The following CDHR2 variants were observed in gnomAD, a reference collection of about 807,000 sequenced individuals.
CDHR2 encodes cadherin-related family member 2.
A neutral mutation model predicts 138.6 loss-of-function variants in CDHR2; 104 were observed. The observed-to-expected ratio is 0.75, with a 90% CI of 0.64 to 0.88. The LOEUF is 0.88. Ranked by LOEUF, CDHR2 falls within the 40% of genes least tolerant of loss-of-function variation. The pLI is 0.00. For synonymous variants in CDHR2, 755 were observed against 742.8 expected (o/e 1.02, Z -0.27); for missense variants, 1,624 against 1,727.6 (o/e 0.94, Z 1.06).
intron 1 of CDHR2, among the ~76,000 whole-genome samples, chr5:176,554,929 C>T (rs1411051972): frequency 6.6e-6 from 1 of 152,244 alleles, no homozygotes; most frequent in Non-Finnish European, 1.5e-5. Flanking sequence ...GCTGGGATTA[C>T]AGGTGTGAGC....
At chr5:176,567,270 T>C (rs1353235381) in intron 3 of CDHR2, among the ~76,000 whole-genome samples, 1 of 150,770 alleles carries the variant, frequency 6.6e-6, no homozygotes, top group Non-Finnish European at 1.5e-5. Flanking sequence ...TGGGCTCAAC[T>C]GATCCTCCCA....
chr5:176,577,790 A>G lies in CDHR2; in HGVS notation c.1504A>G (p.Ser502Gly). 1 of 1,614,068 alleles carries G rather than the reference A, an allele frequency of 6.2e-7. No homozygotes were observed. Residue 502 changes from serine to glycine, a missense_variant, in exon 14 of 32, where the codon AGC (serine) becomes GGC (glycine). Ser to Gly is a moderately conservative substitution (Grantham distance 56, BLOSUM62 0). This residue lies in a region of CDHR2 where 1,061 missense variants were observed against 1,136.6 expected (regional missense o/e 0.93). Transcript: ENST00000261944. ...HSATGSVVTD[S>G]IHATDPDTGA... The stretch of plus-strand genomic sequence containing the variant: ...CGCCACCGGCTCTGTGGTCACCGAC[A>G]GCATCCACGTGAGTGATGTGGACAC...
Position 176,576,191 on chromosome 5 carries a change from CGTGGTGGCGTGG to C in CDHR2, c.1194+10_1194+21del, listed in dbSNP as rs1447831111. The C allele has an allele frequency of 3.8e-6, 5 of 1,305,714 alleles. No individual in the cohort carries two copies. Among genetic ancestry groups the C allele is most frequent in the Non-Finnish European group, 5.3e-6 (5 of 950,462 alleles). 80.9% of individuals were successfully genotyped at this position (1,305,714 alleles called of 1,614,324 possible). On this transcript the variant is annotated splice_region_variant and intron_variant, in intron 12 of 31. Transcript: ENST00000261944. The surrounding 1 kb of genome is among the most constrained non-coding windows in gnomAD (Gnocchi z 4.5). ...TGGTCTACGACCCGGACAAGGCAGG[CGTGGTGGCGTGG>C]GTGTGGGCGGGGGTGGCTGGGGGAG...
intron 3 of CDHR2, 55 bp downstream of exon 3, chr5:176,565,798 C>T: frequency 2.1e-6 from 3 of 1,434,882 alleles, no homozygotes; most frequent in South Asian, 2.4e-5. Flanking sequence ...ACAGGAAAGT[C>T]CTGGGGTGCC....
At chr5:176,564,802 C>T (rs1008686032) in intron 1 of CDHR2, among the ~76,000 whole-genome samples, 3 of 151,924 alleles carry the variant, frequency 2.0e-5, no homozygotes, top group African/African-American at 4.8e-5. Context: ...AGCAGGTGAA[C>T]GAAGGACCCT....
intron 21 of CDHR2, among the ~76,000 whole-genome samples, chr5:176,588,664 AGT>A (rs373642733): frequency 0.013 from 1,743 of 138,710 alleles, 31 homozygotes; most frequent in African/African-American, 0.042. Flanking sequence ...AGTGTGTGAG[AGT>A]GTGTGTGTGT....
chr5:176,588,253 G>A (rs947363387), intron 21 of CDHR2, among the ~76,000 whole-genome samples: 9 of 149,520 alleles, frequency 6.0e-5, no homozygotes, highest in Non-Finnish European at 1.2e-4. Flanking sequence ...TGTGTATAAG[G>A]GTGAGTGAGT....
chr5:176,555,079 G>C (rs1356657127), intron 1 of CDHR2, among the ~76,000 whole-genome samples: 1 of 152,200 alleles, frequency 6.6e-6, no homozygotes, highest in Non-Finnish European at 1.5e-5. Flanking sequence ...ATCCCACCCA[G>C]GGCTTGTCCA....
chr5:176,550,772 G>A (rs185077332), intron 1 of CDHR2, among the ~76,000 whole-genome samples: 1 of 152,256 alleles, frequency 6.6e-6, no homozygotes, highest in Admixed American at 6.5e-5. Flanking sequence ...TCCCCACCCT[G>A]ACCCTCCTGG....
rs779399795 is a variant in CDHR2, at chr5:176,576,171, T to C, written c.1180T>C (p.Tyr394His). ...CATCGATGACCTCACCATGGTGGTC[T>C]ACGACCCGGACAAGGCAGGCGTGGT... ...IPIDDLTMVV[Y>H]DPDKGSNGTF... is the part of the protein sequence containing the mutation. The change falls in exon 12 of 32, where the codon TAC (tyrosine) becomes CAC (histidine). Residue 394 changes from tyrosine (Y) to histidine (H), a missense_variant. Transcript: ENST00000261944. This position sits in a 1 kb window ranked among gnomAD's most constrained non-coding sequence, Gnocchi z 4.5. The C allele has an allele frequency of 6.2e-7, 1 of 1,611,950 alleles. No individual in the cohort carries two copies. Among genetic ancestry groups the C allele is most frequent in the Non-Finnish European group, 8.5e-7 (1 of 1,179,502 alleles).
At chr5:176,588,682 GGTGT>G (rs1758753081) in intron 21 of CDHR2, among the ~76,000 whole-genome samples, 1 of 147,346 alleles carries the variant, frequency 6.8e-6, no homozygotes, top group Admixed American at 6.9e-5. Context: ...TGTGTGAGAG[GGTGT>G]GTATGTGAGA....
rs763956746 is a variant in CDHR2, at chr5:176,578,563, C to T, written c.1773C>T (p.Asn591=). 1.9e-6 allele frequency: 3 copies of T among 1,613,826 alleles called. No homozygotes were observed. Among genetic ancestry groups the T allele is most frequent in the East Asian group, 2.2e-5 (1 of 44,882 alleles). Residue 591 remains asparagine (N), a synonymous_variant, in exon 16 of 32, where the codon AAC becomes AAT. Transcript: ENST00000261944. ...DNAPVVSGSY[N]IFVQEEEGNV... ...CACCCGTGGTTAGCGGCTCCTACAACATCTTCGTCCAGGAGGAGGAGGGCA... is the reference window on the plus strand; with the variant it reads ...CACCCGTGGTTAGCGGCTCCTACAATATCTTCGTCCAGGAGGAGGAGGGCA...
chr5:176,569,908 C>T (rs116770061), intron 5 of CDHR2, among the ~76,000 whole-genome samples: 4,037 of 150,530 alleles, frequency 0.027, 201 homozygotes, highest in African/African-American at 0.093. Context: ...TGTATTGAGC[C>T]GAGATTGCAC....
chr5:176,568,869 G>A (rs1397378957), intron 4 of CDHR2, 52 bp downstream of exon 4: 3 of 1,611,392 alleles, frequency 1.9e-6, no homozygotes, highest in Non-Finnish European at 2.5e-6. Context: ...GTGCTGGGAG[G>A]GCCCTGGGAG....
At chr5:176,569,408 C>T (rs1311735403) in intron 5 of CDHR2, among the ~76,000 whole-genome samples, 8 of 151,792 alleles carry the variant, frequency 5.3e-5, no homozygotes, top group East Asian at 2.0e-4. Context: ...CTCAGCCTCC[C>T]GAGTAGCTGG....
rs1399531187 is a variant in CDHR2 at position 176,587,439 on chromosome 5, A to G, written c.2856+597A>G. On this transcript the variant is annotated intron_variant, in intron 21 of 31. Transcript: ENST00000261944. ...CTCCAGCCTGGGCGACAAGAGTGAA[A>G]CTCTGCCTCAAAAAAAAATAAATAA... Among the ~76,000 whole-genome samples, 3 of 151,816 alleles carry G rather than the reference A, an allele frequency of 2.0e-5. No individual in the cohort carries two copies. The East Asian group carries it at 5.8e-4, about 29-fold the overall frequency.
chr5:176,552,872 A>G (rs990767690), intron 1 of CDHR2, among the ~76,000 whole-genome samples: 5 of 152,312 alleles, frequency 3.3e-5, no homozygotes, highest in Non-Finnish European at 5.9e-5. Context: ...TCCTGCACTC[A>G]TGTCTGTGTG....
In CDHR2 at chr5:176,581,479, C is replaced by A; in HGVS notation, c.1955C>A (p.Ala652Asp). 1 of 1,614,180 alleles carries A rather than the reference C, an allele frequency of 6.2e-7. No individual in the cohort carries two copies. Among genetic ancestry groups the A allele is most frequent in the Non-Finnish European group, 8.5e-7 (1 of 1,180,048 alleles). Residue 652 changes from alanine (A) to aspartate (D), a missense_variant, in exon 17 of 32, where the codon GCC (alanine) becomes GAC (aspartate). By Grantham distance (126) the Ala-to-Asp change is moderately radical. This residue lies in a region of CDHR2 where 1,061 missense variants were observed against 1,136.6 expected (regional missense o/e 0.93). Transcript: ENST00000261944. The stretch of plus-strand genomic sequence containing the variant: ...AACCTGGGGCCCCTGGACAGAGAGG[C>A]CATCGACCCCGCCCTGGAGGGCCGC... The part of the protein sequence containing the change: ...LRNLGPLDRE[A>D]IDPALEGRIV...
rs1230312099 is a variant in CDHR2, at chr5:176,590,484, TG to T, written c.3414+1del. The part of the protein sequence containing the change: ...TQLLQLGLVV[L>X]GSQESQESDL... ...CTGCTGCAGCTGGGGCTGGTGGTGC[TG>T]GTGAGTGCGGGCAGGGCGGGGCAGC... On this transcript the variant is annotated frameshift_variant and splice_region_variant, in exon 27 of 32. Coordinates refer to ENST00000261944, the MANE Select transcript of CDHR2 (RefSeq NM_017675.6). LOFTEE classifies it high-confidence loss of function. The T allele has an allele frequency of 2.5e-6, 4 of 1,613,756 alleles. No individual in the cohort carries two copies. Among genetic ancestry groups the T allele is most frequent in the Non-Finnish European group, 3.4e-6 (4 of 1,179,898 alleles).
Sources: gnomAD v4.1 joint callset for allele counts (sites outside exome capture counted in the v4.1 genomes callset) on GRCh38, gnomAD v4.1.1 for gene constraint, gnomAD v4.1.1 regional missense constraint, Gnocchi (gnomAD v3.1) non-coding constraint, MANE v1.5 for transcripts, NCBI Gene and HGNC (gene_info 2026-07-23, HGNC 2026-07-21) for gene names.